Variants in SATL1 observed in about 807,000 individuals in gnomAD.
SATL1 encodes the protein spermidine/spermine N(1)-acetyltransferase-like protein 1.
Under a neutral mutation model 51.8 loss-of-function variants are expected in SATL1, and 47 were observed. The observed-to-expected ratio is 0.91, with a 90% CI of 0.72 to 1.16. SATL1 has a LOEUF of 1.16. Among genes scored for constraint, SATL1 ranks in the 50% most tolerant of loss-of-function variants. The pLI, the probability that SATL1 is intolerant of heterozygous loss-of-function variation, is 0.00. For synonymous variants in SATL1, 176 were observed against 182.4 expected, an observed-to-expected ratio of 0.97 and a Z score of 0.28; for missense variants, 520 against 526.4, an observed-to-expected ratio of 0.99 and a Z score of 0.12.
At chrX:85,190,745 C>T (rs1220338804) in intron 2 of SATL1, among the ~76,000 whole-genome samples, 2 of 110,757 alleles carry the variant, frequency 1.8e-5, no homozygotes, top group African/African-American at 6.6e-5. Context: ...TATCACAGTC[C>T]TATTGTGACT....
chrX:85,115,928 G>GAT (rs376544521), intron 2 of SATL1, among the ~76,000 whole-genome samples: 1 of 110,633 alleles, frequency 9.0e-6, no homozygotes, highest in East Asian at 2.9e-4. Flanking sequence ...GGTGAGCTGA[G>GAT]ATCAGCCAGG....
At chrX:85,179,384 T>G (rs1253917265) in intron 2 of SATL1, among the ~76,000 whole-genome samples, 2 of 111,903 alleles carry the variant, frequency 1.8e-5, no homozygotes, top group Non-Finnish European at 3.8e-5. Context: ...TTGTTTCTGT[T>G]TCCTCATTTT....
intron 2 of SATL1, among the ~76,000 whole-genome samples, chrX:85,184,831 G>A (rs1010967495): frequency 1.8e-5 from 2 of 112,007 alleles, no homozygotes; most frequent in African/African-American, 6.5e-5. Flanking sequence ...GGTCACTGGT[G>A]CCTTATGTAG....
At chrX:85,121,606 A>T (rs1279275432) in intron 2 of SATL1, among the ~76,000 whole-genome samples, 2 of 106,226 alleles carry the variant, frequency 1.9e-5, no homozygotes, top group Non-Finnish European at 3.9e-5. Context: ...CACCTCCCTT[A>T]AGTCTTATTG....
At chrX:85,133,580 G>C (rs1685745407) in intron 2 of SATL1, among the ~76,000 whole-genome samples, 1 of 112,299 alleles carries the variant, frequency 8.9e-6, no homozygotes, top group Non-Finnish European at 1.9e-5. Flanking sequence ...GCTAGGAAAG[G>C]GAAATCCCCT....
intron 2 of SATL1, among the ~76,000 whole-genome samples, chrX:85,128,337 T>A (rs1230833651): frequency 1.8e-5 from 2 of 112,012 alleles, no homozygotes; most frequent in Non-Finnish European, 3.8e-5. Flanking sequence ...ATGATCACCA[T>A]TCTAACTGGC....
intron 1 of SATL1, among the ~76,000 whole-genome samples, chrX:85,235,043 T>C (rs979601988): frequency 9.0e-6 from 1 of 110,534 alleles, no homozygotes. Flanking sequence ...TCCATGCAAA[T>C]AGAAACCGAA....
At chrX:85,217,882 A>G (rs1928083398) in intron 2 of SATL1, among the ~76,000 whole-genome samples, 1 of 111,966 alleles carries the variant, frequency 8.9e-6, no homozygotes, top group Non-Finnish European at 1.9e-5. Flanking sequence ...CCTGCCACAA[A>G]ATGGTGGGCA....
chrX:85,132,724 A>G (rs964492911), intron 2 of SATL1, among the ~76,000 whole-genome samples: 3 of 111,384 alleles, frequency 2.7e-5, no homozygotes, highest in African/African-American at 9.8e-5. Flanking sequence ...TTTGGAGGAG[A>G]AGGGGCACTC....
chrX:85,230,680 C>T, intron 1 of SATL1, among the ~76,000 whole-genome samples: 1 of 111,799 alleles, frequency 8.9e-6, no homozygotes. Context: ...GTTTAATATC[C>T]AAAATACATA....
chrX:85,093,044 C>G lies in SATL1; in HGVS notation c.1917+141G>C, dbSNP rs1383435419. ...GTATATGATCATCTGATTTGAAAATCCAGTTTAATTTGGGTAGAAATTTGA... is the reference window on the plus strand; with the variant it reads ...GTATATGATCATCTGATTTGAAAATGCAGTTTAATTTGGGTAGAAATTTGA... On this transcript the variant is annotated intron_variant, in intron 7 of 7. Coordinates refer to ENST00000644105, the MANE Select transcript of SATL1 (RefSeq NM_001367857.2). 2.8e-5 allele frequency: 15 copies of G among 530,198 alleles called. No individual in the cohort carries two copies. In the South Asian group the frequency reaches 5.6e-4, roughly 20 times the overall value. 43.7% of individuals were successfully genotyped at this position (530,198 alleles called of 1,213,427 possible).
intron 6 of SATL1, among the ~76,000 whole-genome samples, chrX:85,093,531 T>G (rs370874049): frequency 2.7e-5 from 3 of 112,238 alleles, no homozygotes; most frequent in South Asian, 3.7e-4. Context: ...GTGAAAGCAT[T>G]TTTTAAAGAT....
intron 2 of SATL1, among the ~76,000 whole-genome samples, chrX:85,217,865 G>A (rs1928083103): frequency 9.0e-6 from 1 of 111,656 alleles, no homozygotes; most frequent in Non-Finnish European, 1.9e-5. Context: ...TCTAATCAGA[G>A]GCAGTGCCTG....
intron 2 of SATL1, among the ~76,000 whole-genome samples, chrX:85,223,314 G>A (rs1200943727): frequency 9.0e-6 from 1 of 111,207 alleles, no homozygotes; most frequent in Non-Finnish European, 1.9e-5. Flanking sequence ...GGTAGTGTTG[G>A]GTAAGTGCCT....
chrX:85,167,090 C>T (rs1022741511), intron 2 of SATL1, among the ~76,000 whole-genome samples: 1 of 108,475 alleles, frequency 9.2e-6, no homozygotes, highest in Non-Finnish European at 1.9e-5. Flanking sequence ...TAATGGCATT[C>T]TCAGCTACCT....
intron 2 of SATL1, among the ~76,000 whole-genome samples, chrX:85,203,467 TAA>T (rs1297473291): frequency 4.5e-5 from 5 of 110,906 alleles, no homozygotes; most frequent in Non-Finnish European, 9.5e-5. Context: ...CTGGAATGGC[TAA>T]GTCATCCAAA....
intron 2 of SATL1, among the ~76,000 whole-genome samples, chrX:85,156,638 T>C (rs1213424653): frequency 2.8e-5 from 3 of 107,575 alleles, no homozygotes; most frequent in Non-Finnish European, 3.8e-5. Flanking sequence ...GGCATTTACA[T>C]TGGGAGTGCT....
intron 4 of SATL1, among the ~76,000 whole-genome samples, chrX:85,103,422 T>A (rs917576374): frequency 6.2e-5 from 7 of 112,121 alleles, no homozygotes; most frequent in Non-Finnish European, 1.3e-4. Flanking sequence ...AATAATCTTT[T>A]CATCTTCATA....
At chrX:85,224,391 C>T (rs1276575364) in intron 1 of SATL1, 65 bp from the exon 2 acceptor site, 1 of 111,274 alleles carries the variant, frequency 9.0e-6, no homozygotes, top group Non-Finnish European at 1.9e-5. Context: ...GTAATGTTTA[C>T]AGATCCCAGG....
Sources: allele counts gnomAD v4.1 joint callset (sites outside exome capture counted in the v4.1 genomes callset), GRCh38; gene constraint gnomAD v4.1.1; transcripts MANE v1.5; gene names NCBI Gene and HGNC (gene_info 2026-07-23, HGNC 2026-07-21).